PMS2: variants seen among roughly 807,000 people sequenced by gnomAD.
The protein encoded by PMS2 is mismatch repair endonuclease PMS2.
Under a neutral mutation model 90.0 loss-of-function variants are expected in PMS2, and 69 were observed. The observed-to-expected ratio is 0.77, with a 90% confidence interval of 0.63 to 0.94. PMS2 has a LOEUF of 0.94. Ranked by LOEUF, PMS2 falls within the 40% of genes least tolerant of loss-of-function variation. The probability of loss-of-function intolerance (pLI) is 0.00; values close to 1 mark genes in which losing one functional copy is unlikely to be tolerated. For missense variants in PMS2, 966 were observed against 1,040.2 expected (o/e 0.93, Z 0.98); for synonymous variants, 332 against 375.1 (o/e 0.89, Z 1.33).
At chr7:5,990,016 T>C (rs1175150208) in intron 9 of PMS2, 61 bp from the exon 10 acceptor site, 1 of 1,176,104 alleles carries the variant, frequency 8.5e-7, no homozygotes, top group African/African-American at 1.5e-5. Context: ...TATTTATTAA[T>C]TATTATTTTC....
intron 11 of PMS2, among the ~76,000 whole-genome samples, chr7:5,985,718 T>C (rs1322965971): frequency 3.1e-4 from 46 of 149,128 alleles, no homozygotes; most frequent in African/African-American, 9.9e-4. Context: ...CATATCCCAC[T>C]AATTTTGCAT....
intron 11 of PMS2, among the ~76,000 whole-genome samples, chr7:5,985,239 A>C (rs1303323442): frequency 1.3e-5 from 2 of 150,752 alleles, no homozygotes; most frequent in Non-Finnish European, 2.9e-5. Context: ...CTGGGACTAC[A>C]GGCGTACAGC....
intron 11 of PMS2, among the ~76,000 whole-genome samples, chr7:5,983,470 C>G (rs1782526102): frequency 6.6e-6 from 1 of 151,654 alleles, no homozygotes; most frequent in Non-Finnish European, 1.5e-5. Flanking sequence ...CCGGAGAAGA[C>G]ATCAGTTGCT....
At chr7:5,981,141 A>G (rs1782240983) in intron 12 of PMS2, among the ~76,000 whole-genome samples, 1 of 151,964 alleles carries the variant, frequency 6.6e-6, no homozygotes, top group African/African-American at 2.4e-5. Flanking sequence ...ACCTTTGTGA[A>G]GTAGTCAGGG....
chr7:5,997,787 C>A (rs1055291180), intron 6 of PMS2, among the ~76,000 whole-genome samples: 1 of 152,046 alleles, frequency 6.6e-6, no homozygotes, highest in Non-Finnish European at 1.5e-5. Flanking sequence ...TGGGCTCAAG[C>A]GATTCTCCCA....
rs745836140 is a variant in PMS2, at chr7:5,987,101, T to C, written c.1664A>G (p.Gln555Arg). 1 of 1,614,162 alleles carries C rather than the reference T, an allele frequency of 6.2e-7. No homozygotes were observed. Among genetic ancestry groups the C allele is most frequent in the Non-Finnish European group, 8.5e-7 (1 of 1,180,010 alleles). The change falls in exon 11 of 15, where the codon CAG becomes CGG. Residue 555 changes from glutamine (Q) to arginine (R), a missense_variant. By Grantham distance (43) the Gln-to-Arg change is conservative. Around this residue, in one of 2 missense-constraint regions of PMS2, gnomAD observed 871 missense variants for 802.4 expected, o/e 1.09. Transcript: ENST00000265849. ...TCGAAATTTACATCCGGTATCTTCC[T>C]GGTTTGAATGGCAGTCCACATCTGA... ...SFSDVDCHSNQEDTGCKFRVL... is the reference protein window; with the variant it reads ...SFSDVDCHSNREDTGCKFRVL...
At chr7:6,001,006 G>A (rs1008046874) in intron 5 of PMS2, among the ~76,000 whole-genome samples, 20 of 152,098 alleles carry the variant, frequency 1.3e-4, no homozygotes, top group Admixed American at 1.2e-3. Context: ...AAAAAAGAAA[G>A]TTAAAATTAG....
intron 8 of PMS2, 43 bp from the exon 9 acceptor site, chr7:5,992,100 T>C (rs1783819906): frequency 9.8e-7 from 1 of 1,017,144 alleles, no homozygotes; most frequent in South Asian, 1.3e-5. Context: ...ATGACAAATG[T>C]TCCCAGCCCC....
rs1583392748 is a variant in PMS2, at chr7:6,000,319, A to T, written c.538-1044T>A. On this transcript the variant is annotated intron_variant, in intron 5 of 14. Coordinates refer to ENST00000265849, the MANE Select transcript of PMS2 (RefSeq NM_000535.7). Reference sequence around the variant, plus strand: ...AGCCTGGGAGATCATGGCTGCGGTAAGCTGAGATTGTGCCACTACATCCCA... The same window carrying T: ...AGCCTGGGAGATCATGGCTGCGGTATGCTGAGATTGTGCCACTACATCCCA... Among the ~76,000 whole-genome samples, 5 of 151,576 alleles carry T rather than the reference A, an allele frequency of 3.3e-5. 1 individual carries two copies. The South Asian group carries it at 1.0e-3, about 32-fold the overall frequency.
rs1783505610 is a variant in PMS2, at chr7:5,989,787, G to C, written c.1144+13C>G. 1 of 1,605,156 alleles carries C rather than the reference G, an allele frequency of 6.2e-7. No individual in the cohort carries two copies. The highest frequency in any genetic ancestry group is 2.2e-5 in the East Asian group (1 of 44,676). ...AAGCTTTAGAAGCTGTTTGTACACT[G>C]TATTTTTCTTACCTTCAACATCCAG... On this transcript the variant is annotated intron_variant, in intron 10 of 14. Coordinates refer to ENST00000265849, the MANE Select transcript of PMS2 (RefSeq NM_000535.7).
rs587782665 is a variant in PMS2 at position 5,977,595 on chromosome 7, C to A, written c.2438G>T (p.Arg813Leu). 25 of 1,564,020 alleles carry A rather than the reference C, an allele frequency of 1.6e-5. No individual in the cohort carries two copies. The highest frequency in any genetic ancestry group is 2.1e-5 in the Non-Finnish European group (24 of 1,139,122). The part of the protein sequence containing the change: ...VKQMFASRAC[R>L]KSVMIGTALN... ...CAGGCTTTCTTTACTTACCGACTTC[C>A]GGCAGGCTCTGGAGGCAAACATCTG... The change falls in exon 14 of 15, where the codon CGG (arginine) becomes CTG (leucine). Residue 813 changes from arginine to leucine, a missense_variant. Coordinates refer to ENST00000265849, the MANE Select transcript of PMS2 (RefSeq NM_000535.7).
chr7:5,990,829 C>G (rs995257356), intron 9 of PMS2, among the ~76,000 whole-genome samples: 12 of 152,132 alleles, frequency 7.9e-5, no homozygotes, highest in African/African-American at 2.9e-4. Context: ...GCCTGGCCAA[C>G]ATGGCGAAAC....
chr7:5,979,722 T>C (rs1462753852), intron 12 of PMS2, among the ~76,000 whole-genome samples: 2 of 135,904 alleles, frequency 1.5e-5, no homozygotes, highest in African/African-American at 5.3e-5. Context: ...GGTCTCACTA[T>C]GTTGCCCAGG....
chr7:6,001,952 C>T (rs1180875721), intron 5 of PMS2: 1 of 151,828 alleles, frequency 6.6e-6, no homozygotes, highest in Non-Finnish European at 1.5e-5. Flanking sequence ...AAGATCGCGC[C>T]ACCGCACTCC....
In PMS2 at chr7:5,987,448, A is replaced by C. The variant is rs1783137167; in HGVS notation, c.1317T>G (p.Thr439=). Residue 439 remains threonine (T), a synonymous_variant, in exon 11 of 15, where the codon ACT becomes ACG. Transcript: ENST00000265849. ...CTAGAGGGCTCCTTCTTGGTTCTGG[A>C]GTCTTTGGGCTGTGAGGCTTGTTCT... is the stretch of plus-strand genomic sequence containing the variant. ...TTENKPHSPK[T]PEPRRSPLGQ... 1 of 1,613,876 alleles carries C rather than the reference A, an allele frequency of 6.2e-7. No homozygotes were observed. The highest frequency in any genetic ancestry group is 1.7e-5 in the Admixed American group (1 of 59,962).
At chr7:6,003,542 T>A in intron 4 of PMS2, 148 bp downstream of exon 4, 1 of 639,480 alleles carries the variant, frequency 1.6e-6, no homozygotes, top group Non-Finnish European at 2.8e-6. Flanking sequence ...AGAAGTACTA[T>A]GACTTAGATT....
At position 5,977,587 on chromosome 7, in the gene PMS2, C is replaced by A. The variant is rs876661113; in HGVS notation, c.2445+1G>T. Reference sequence around the variant, plus strand: ...CTGACAGCCAGGCTTTCTTTACTTACCGACTTCCGGCAGGCTCTGGAGGCA... The same window carrying A: ...CTGACAGCCAGGCTTTCTTTACTTAACGACTTCCGGCAGGCTCTGGAGGCA... On this transcript the variant is annotated splice_donor_variant, in intron 14 of 14. Transcript: ENST00000265849. LOFTEE classifies it high-confidence loss of function. 1.3e-5 allele frequency: 20 copies of A among 1,544,604 alleles called. 1 individual carries two copies. Among genetic ancestry groups the A allele is most frequent in the Non-Finnish European group, 1.7e-5 (19 of 1,122,414 alleles).
At chr7:5,995,766 TTCA>T (rs1784331267) in intron 7 of PMS2, 133 bp from the exon 8 acceptor site, 2 of 714,638 alleles carry the variant, frequency 2.8e-6, no homozygotes, top group Non-Finnish European at 5.1e-6. Context: ...ACTATTGCAG[TTCA>T]CGGGTATCTG....
chr7:5,995,350 G>C (rs1457633632), intron 8 of PMS2, among the ~76,000 whole-genome samples, 184 bp downstream of exon 8: 2 of 152,164 alleles, frequency 1.3e-5, no homozygotes, highest in Non-Finnish European at 1.5e-5. Context: ...AAAGTCTTCA[G>C]TTGAAACATC....
Sources: gnomAD v4.1 joint callset for allele counts (sites outside exome capture counted in the v4.1 genomes callset) on GRCh38, gnomAD v4.1.1 for gene constraint, gnomAD v4.1.1 regional missense constraint, MANE v1.5 for transcripts, NCBI Gene and HGNC (gene_info 2026-07-23, HGNC 2026-07-21) for gene names.